The following CACNB2 variants were observed in gnomAD, a reference collection of about 807,000 sequenced individuals.
The protein encoded by CACNB2 is calcium voltage-gated channel auxiliary subunit beta 2.
CACNB2 carries 42 observed loss-of-function variants against 73.3 expected under a neutral mutation model. The observed-to-expected ratio is 0.57, with a 90% CI of 0.45 to 0.74. The LOEUF (loss-of-function observed/expected upper bound fraction) is 0.74. Ranked by LOEUF, CACNB2 falls within the 30% of genes least tolerant of loss-of-function variation. The pLI, the probability that CACNB2 is intolerant of heterozygous loss-of-function variation, is 0.00. For synonymous variants in CACNB2, 348 were observed against 310.3 expected (o/e 1.12, Z -1.28); for missense variants, 940 against 853.0 (o/e 1.10, Z -1.27).
At chr10:18,355,915 C>A (rs1230888073) in intron 2 of CACNB2, among the ~76,000 whole-genome samples, 1 of 152,116 alleles carries the variant, frequency 6.6e-6, no homozygotes, top group Non-Finnish European at 1.5e-5. Context: ...GGATTACAGG[C>A]GTGAGCCACC....
chr10:18,346,200 C>T (rs1224609006), intron 2 of CACNB2, among the ~76,000 whole-genome samples: 7 of 150,866 alleles, frequency 4.6e-5, no homozygotes, highest in African/African-American at 1.2e-4. Context: ...AGTGCAGTGG[C>T]GCGATCTCAG....
intron 2 of CACNB2, among the ~76,000 whole-genome samples, chr10:18,162,208 C>T (rs539920538): frequency 1.3e-5 from 2 of 152,266 alleles, no homozygotes; most frequent in Admixed American, 1.3e-4. Flanking sequence ...ATTACCTCAT[C>T]TATTGAGTTC....
chr10:18,211,385 ATATT>A (rs368047419), intron 2 of CACNB2, among the ~76,000 whole-genome samples: 35 of 152,294 alleles, frequency 2.3e-4, no homozygotes, highest in African/African-American at 8.2e-4. Context: ...CTATTTTTAA[ATATT>A]TATCATTCAA....
intron 2 of CACNB2, among the ~76,000 whole-genome samples, chr10:18,362,450 GT>G (rs145772854): frequency 1.3e-5 from 2 of 151,940 alleles, no homozygotes; most frequent in African/African-American, 2.4e-5. Flanking sequence ...TTTCCTCCTT[GT>G]TTTTTTCCCC....
chr10:18,489,206 G>A (rs762755348), intron 3 of CACNB2, among the ~76,000 whole-genome samples: 5 of 151,742 alleles, frequency 3.3e-5, no homozygotes, highest in Non-Finnish European at 5.9e-5. Flanking sequence ...GTGACAGAGC[G>A]AGACTCTGTG....
At chr10:18,346,298 C>A (rs2041451218) in intron 2 of CACNB2, among the ~76,000 whole-genome samples, 1 of 152,080 alleles carries the variant, frequency 6.6e-6, no homozygotes, top group Non-Finnish European at 1.5e-5. Context: ...CGCCACCACG[C>A]CTGGCTAATT....
chr10:18,153,722 C>T (rs1271434177), intron 2 of CACNB2, among the ~76,000 whole-genome samples: 1 of 149,854 alleles, frequency 6.7e-6, no homozygotes, highest in Non-Finnish European at 1.5e-5. Flanking sequence ...GCTGGGATTA[C>T]AGGCACAAGC....
At chr10:18,197,953 A>T (rs1433731641) in intron 2 of CACNB2, among the ~76,000 whole-genome samples, 3 of 148,118 alleles carry the variant, frequency 2.0e-5, no homozygotes, top group Non-Finnish European at 4.5e-5. Context: ...AATTAATTGT[A>T]TTATAATCAA....
chr10:18,445,153 T>C (rs1371105359), intron 3 of CACNB2, among the ~76,000 whole-genome samples: 2 of 152,168 alleles, frequency 1.3e-5, no homozygotes, highest in African/African-American at 2.4e-5. Context: ...ATGCTAACAT[T>C]ATTCTGTTAT....
intron 2 of CACNB2, among the ~76,000 whole-genome samples, chr10:18,236,178 GAT>G (rs1430108735): frequency 2.0e-5 from 3 of 152,050 alleles, no homozygotes; most frequent in Non-Finnish European, 4.4e-5. Context: ...CAGGACTTCT[GAT>G]CCTGTGGCTC....
At chr10:18,344,327 C>T (rs146892396) in intron 2 of CACNB2, among the ~76,000 whole-genome samples, 1,946 of 151,520 alleles carry the variant, frequency 0.013, 21 homozygotes, top group Middle Eastern at 0.035. Context: ...TTTGTGCAGT[C>T]GCAATAGAGA....
chr10:18,225,374 C>A (rs561718373), intron 2 of CACNB2, among the ~76,000 whole-genome samples: 1 of 152,034 alleles, frequency 6.6e-6, no homozygotes, highest in African/African-American at 2.4e-5. Context: ...ATTACAACAG[C>A]CTTTCATGAT....
intron 2 of CACNB2, among the ~76,000 whole-genome samples, chr10:18,354,059 C>A (rs901319993): frequency 3.9e-5 from 6 of 152,008 alleles, no homozygotes; most frequent in African/African-American, 1.5e-4. Flanking sequence ...CTATAGTAGG[C>A]CTTAATTAGC....
chr10:18,275,806 G>C (rs1365606629), intron 2 of CACNB2, among the ~76,000 whole-genome samples: 4 of 152,096 alleles, frequency 2.6e-5, no homozygotes, highest in African/African-American at 9.7e-5. Context: ...CACAATCAAT[G>C]TTTTATTAAT....
chr10:18,300,361 C>T (rs1219842377), intron 2 of CACNB2, among the ~76,000 whole-genome samples: 1 of 152,154 alleles, frequency 6.6e-6, no homozygotes. Context: ...GTTGCTGTGC[C>T]TTGGGTAACA....
intron 7 of CACNB2, among the ~76,000 whole-genome samples, chr10:18,515,806 C>T (rs2051216775): frequency 1.3e-5 from 2 of 152,178 alleles, no homozygotes; most frequent in South Asian, 4.1e-4. Context: ...ACATTTGGGC[C>T]TTGACGGAGC....
At chr10:18,527,109 G>A (rs867669691) in intron 9 of CACNB2, among the ~76,000 whole-genome samples, 16 of 152,192 alleles carry the variant, frequency 1.1e-4, no homozygotes, top group South Asian at 1.0e-3. Context: ...GGCCGGGCGC[G>A]GTGGCTCACA....
Position 18,498,400 on chromosome 10 carries a change from G to A in CACNB2, c.379G>A (p.Ala127Thr), listed in dbSNP as rs1347573099. The change falls in exon 4 of 14, where the codon GCG becomes ACG. Residue 127 changes from alanine to threonine, a missense_variant. Ala to Thr is a moderately conservative substitution (Grantham distance 58, BLOSUM62 0). Coordinates refer to ENST00000324631, the MANE Select transcript of CACNB2 (RefSeq NM_201596.3). Reference protein sequence around the residue: ...FAVRTNVSYSAAHEDDVPVPG... With the variant: ...FAVRTNVSYSTAHEDDVPVPG... ...GGTTCGGACAAATGTCAGCTACAGT[G>A]CGGCCCATGAAGATGATGTTCCAGT... 2 of 1,614,000 alleles carry A rather than the reference G, an allele frequency of 1.2e-6. No individual in the cohort carries two copies. Among genetic ancestry groups the A allele is most frequent in the East Asian group, 2.2e-5 (1 of 44,884 alleles).
rs185076697 is a variant in CACNB2 at position 18,437,007 on chromosome 10, T to G, written c.333+34964T>G. 4.6e-5 allele frequency among the ~76,000 whole-genome samples: 7 copies of G among 152,348 alleles called. No individual in the cohort carries two copies. In the East Asian group the frequency reaches 1.3e-3, roughly 29 times the overall value. ...GCTGGAGATACATGGGCCTGCATGATGTCAATCAATCTTATTTTGGTGTGT... is the reference window on the plus strand; with the variant it reads ...GCTGGAGATACATGGGCCTGCATGAGGTCAATCAATCTTATTTTGGTGTGT... On this transcript the variant is annotated intron_variant, in intron 3 of 13. Transcript: ENST00000324631.
Sources: allele counts gnomAD v4.1 joint callset (sites outside exome capture counted in the v4.1 genomes callset), GRCh38; gene constraint gnomAD v4.1.1; transcripts MANE v1.5; gene names NCBI Gene and HGNC (gene_info 2026-07-23, HGNC 2026-07-21).